The following PRKDC variants were observed in gnomAD, a reference collection of about 807,000 sequenced individuals.
The protein encoded by PRKDC is protein kinase, DNA-activated, catalytic subunit, also known as DNA-dependent protein kinase catalytic subunit.
A neutral mutation model predicts 486.9 loss-of-function variants in PRKDC; 82 were observed. That is an observed-to-expected ratio of 0.17 (90% CI 0.14 to 0.20). The LOEUF is 0.20. Ranked by LOEUF, PRKDC falls within the 10% of genes least tolerant of loss-of-function variation. The pLI, the probability that PRKDC is intolerant of heterozygous loss-of-function variation, is 1.00. For synonymous variants in PRKDC, 1,895 were observed against 1,837.0 expected (o/e 1.03, Z -0.81); for missense variants, 4,504 against 5,038.2 (o/e 0.89, Z 3.21).
Position 47,807,337 on chromosome 8 carries a change from A to G in PRKDC, c.9558-11T>C. ...CTGAGAAAGAAACATCTACACAAAGAAAAATGAGACAATGTCACAGACTCA... is the reference window on the plus strand; with the variant it reads ...CTGAGAAAGAAACATCTACACAAAGGAAAATGAGACAATGTCACAGACTCA... On this transcript the variant is annotated splice_polypyrimidine_tract_variant and intron_variant, in intron 68 of 85. Coordinates refer to ENST00000314191, the MANE Select transcript of PRKDC (RefSeq NM_006904.7). 6.6e-7 allele frequency: 1 copy of G among 1,523,136 alleles called. No homozygotes were observed. The highest frequency in any genetic ancestry group is 1.4e-5 in the African/African-American group (1 of 71,770). 94.4% of individuals were successfully genotyped at this position (1,523,136 alleles called of 1,614,324 possible).
chr8:47,912,474 G>T lies in PRKDC; in HGVS notation c.2870C>A (p.Pro957His), dbSNP rs758656403. Reference protein sequence around the residue: ...QMPEGGQGAPPMYQLYKRTFP... With the variant: ...QMPEGGQGAPHMYQLYKRTFP... ...CGTCCGCTTATAGAGCTGGTACATGGGTGGGGCTCCCTGTCCCCCTTCTGG... is the reference window on the plus strand; with the variant it reads ...CGTCCGCTTATAGAGCTGGTACATGTGTGGGGCTCCCTGTCCCCCTTCTGG... Residue 957 changes from proline (P) to histidine (H), a missense_variant, in exon 25 of 86, where the codon CCC (proline) becomes CAC (histidine). Physicochemically the swap from Pro to His is moderately conservative, Grantham distance 77. Around this residue, in one of 6 missense-constraint regions of PRKDC, gnomAD observed 1,969 missense variants for 2,068.9 expected, o/e 0.95. Coordinates refer to ENST00000314191, the MANE Select transcript of PRKDC (RefSeq NM_006904.7). 6.2e-7 allele frequency: 1 copy of T among 1,612,734 alleles called. No individual in the cohort carries two copies. The highest frequency in any genetic ancestry group is 2.2e-5 in the East Asian group (1 of 44,798).
intron 60 of PRKDC, among the ~76,000 whole-genome samples, chr8:47,831,231 C>T (rs1589727241): frequency 6.6e-6 from 1 of 152,192 alleles, no homozygotes; most frequent in African/African-American, 2.4e-5. Flanking sequence ...GGGGAGGGGG[C>T]CGGCACAGCG....
In PRKDC at chr8:47,948,098, G is replaced by GCACA. The variant is rs141437463; in HGVS notation, c.722-4073_722-4070dup. Among the ~76,000 whole-genome samples the GCACA allele has an allele frequency of 6.6e-3, 924 of 140,266 alleles. 5 individuals are homozygous for GCACA. Among genetic ancestry groups the GCACA allele is most frequent in the Admixed American group, 8.0e-3 (111 of 13,864 alleles). 92.0% of individuals were successfully genotyped at this position (140,266 alleles called of 152,430 possible). ...ACCCTGTCTCAAAAAAAATATATTT[G>GCACA]CACACACACACACACACACACACAC... is the stretch of plus-strand genomic sequence containing the variant. On this transcript the variant is annotated intron_variant, in intron 7 of 85. Coordinates refer to ENST00000314191, the MANE Select transcript of PRKDC (RefSeq NM_006904.7).
At chr8:47,869,661 T>C (rs1168271639) in intron 40 of PRKDC, among the ~76,000 whole-genome samples, 3 of 151,788 alleles carry the variant, frequency 2.0e-5, no homozygotes, top group Non-Finnish European at 4.4e-5. Context: ...TAAAGGAGAC[T>C]TGCATAATGT....
At chr8:47,851,194 A>G (rs1046377690) in intron 52 of PRKDC, among the ~76,000 whole-genome samples, 2 of 152,258 alleles carry the variant, frequency 1.3e-5, no homozygotes, top group Non-Finnish European at 2.9e-5. Flanking sequence ...AAAAATACGT[A>G]AAACAGAAGT....
intron 40 of PRKDC, among the ~76,000 whole-genome samples, chr8:47,870,104 G>A (rs1041885430): frequency 6.6e-6 from 1 of 152,178 alleles, no homozygotes; most frequent in Non-Finnish European, 1.5e-5. Context: ...GAGCCAGGGA[G>A]AAATCACTGT....
At position 47,803,363 on chromosome 8, in the gene PRKDC, G is replaced by A. The variant is rs757415778; in HGVS notation, c.9865C>T (p.Arg3289Trp). 7.4e-6 allele frequency: 12 copies of A among 1,613,986 alleles called. No homozygotes were observed. The highest frequency in any genetic ancestry group is 1.0e-5 in the Non-Finnish European group (12 of 1,179,878). Residue 3289 changes from arginine (R) to tryptophan (W), a missense_variant, in exon 70 of 86, where the codon CGG (arginine) becomes TGG (tryptophan). Arg to Trp is a moderately radical substitution (Grantham distance 101). Transcript: ENST00000314191. Reference protein sequence around the residue: ...SYCRLSHCRSRSQGCSEQVLT... With the variant: ...SYCRLSHCRSWSQGCSEQVLT... ...ACCTGCTCAGAGCAGCCCTGGGACC[G>A]GCTCCGGCAGTGGCTCAGGCGGCAG...
At position 47,900,452 on chromosome 8, in the gene PRKDC, C is replaced by T. The variant is rs1166857713; in HGVS notation, c.3285G>A (p.Leu1095=). ...IYREFREEES[L]VEQFVFEALV... ...AGGCTTCAAACACAAACTGTTCCAC[C>T]AGAGACTCTTCTTCCCTGTAAAATA... Residue 1095 remains leucine, a synonymous_variant, in exon 28 of 86, where the codon CTG becomes CTA. Coordinates refer to ENST00000314191, the MANE Select transcript of PRKDC (RefSeq NM_006904.7). 1.2e-6 allele frequency: 2 copies of T among 1,608,928 alleles called. No individual in the cohort carries two copies. Among genetic ancestry groups the T allele is most frequent in the Non-Finnish European group, 8.5e-7 (1 of 1,177,672 alleles).
At chr8:47,816,180 C>T (rs1404491465) in intron 68 of PRKDC, among the ~76,000 whole-genome samples, 1 of 151,484 alleles carries the variant, frequency 6.6e-6, no homozygotes, top group African/African-American at 2.4e-5. Flanking sequence ...TGCCACCGCA[C>T]TCCAGCCTGG....
chr8:47,883,389 C>T (rs748243086), intron 36 of PRKDC, among the ~76,000 whole-genome samples: 18 of 152,150 alleles, frequency 1.2e-4, no homozygotes, highest in Non-Finnish European at 2.2e-4. Context: ...AAGAAATGTG[C>T]TCCACGTGGA....
chr8:47,807,033 C>T, intron 69 of PRKDC, 104 bp downstream of exon 69: 1 of 1,154,760 alleles, frequency 8.7e-7, no homozygotes, highest in African/African-American at 1.6e-5. Context: ...ATAACACCTA[C>T]CAATTATTTT....
At chr8:47,872,211 T>C (rs1019088715) in intron 40 of PRKDC, among the ~76,000 whole-genome samples, 2 of 152,186 alleles carry the variant, frequency 1.3e-5, no homozygotes, top group Non-Finnish European at 2.9e-5. Context: ...AGTGTTCCGC[T>C]GTCAGCAGTT....
intron 65 of PRKDC, 124 bp downstream of exon 65, chr8:47,821,480 G>A (rs987450089): frequency 3.5e-6 from 3 of 868,984 alleles, no homozygotes; most frequent in Non-Finnish European, 5.5e-6. Context: ...GGTGGACTCA[G>A]GTCATGCAAT....
chr8:47,844,930 C>G (rs748768619), intron 54 of PRKDC, among the ~76,000 whole-genome samples: 1 of 152,070 alleles, frequency 6.6e-6, no homozygotes, highest in Non-Finnish European at 1.5e-5. Context: ...AAAATAAGAA[C>G]AAACCAAGTC....
intron 25 of PRKDC, among the ~76,000 whole-genome samples, chr8:47,909,534 C>T (rs2154502667): frequency 6.6e-6 from 1 of 152,298 alleles, no homozygotes; most frequent in African/African-American, 2.4e-5. Context: ...AACAGAATAA[C>T]AGCGATTTTC....
chr8:47,924,934 T>C (rs1352367795), intron 21 of PRKDC, among the ~76,000 whole-genome samples: 1 of 152,212 alleles, frequency 6.6e-6, no homozygotes, highest in African/African-American at 2.4e-5. Context: ...TTTATGTATT[T>C]GTTCAATCTC....
intron 42 of PRKDC, among the ~76,000 whole-genome samples, chr8:47,863,147 CAGT>C (rs1180871969): frequency 1.4e-4 from 22 of 151,962 alleles, no homozygotes; most frequent in Admixed American, 1.4e-3. Flanking sequence ...AGGGGAAAAA[CAGT>C]AGGAAAAGAA....
At chr8:47,805,121 A>T (rs1267976363) in intron 69 of PRKDC, 3 of 152,062 alleles carry the variant, frequency 2.0e-5, no homozygotes, top group Non-Finnish European at 4.4e-5. Flanking sequence ...AGAATCAACA[A>T]AGAAATCTTA....
intron 40 of PRKDC, among the ~76,000 whole-genome samples, chr8:47,867,819 G>A (rs574881876): frequency 4.9e-4 from 74 of 152,102 alleles, no homozygotes; most frequent in Non-Finnish European, 9.8e-4. Flanking sequence ...AATCTCAGGA[G>A]GAAGCATGCA....
Sources: gnomAD v4.1 joint callset for allele counts (sites outside exome capture counted in the v4.1 genomes callset) on GRCh38, gnomAD v4.1.1 for gene constraint, gnomAD v4.1.1 regional missense constraint, MANE v1.5 for transcripts, NCBI Gene and HGNC (gene_info 2026-07-23, HGNC 2026-07-21) for gene names.